Variants in RBFOX2 observed in about 807,000 individuals in gnomAD.
RBFOX2 encodes the protein RNA binding fox-1 homolog 2, also known as RNA binding protein fox-1 homolog 2.
A neutral mutation model predicts 49.1 loss-of-function variants in RBFOX2; 10 were observed. The observed-to-expected ratio is 0.20, with a 90% CI of 0.13 to 0.35. The LOEUF (loss-of-function observed/expected upper bound fraction) is 0.35. Ranked by LOEUF, RBFOX2 falls within the 10% of genes least tolerant of loss-of-function variation. RBFOX2 has a pLI of 1.00. For missense variants in RBFOX2, 323 were observed against 486.9 expected, an observed-to-expected ratio of 0.66 and a Z score of 3.17; for synonymous variants, 183 against 187.4, an observed-to-expected ratio of 0.98 and a Z score of 0.19.
At chr22:35,961,401 G>T (rs546890073) in intron 1 of RBFOX2, among the ~76,000 whole-genome samples, 36 of 152,056 alleles carry the variant, frequency 2.4e-4, no homozygotes, top group Non-Finnish European at 4.0e-4. Context: ...ATTCAGAATG[G>T]TTTCCAGATT....
At chr22:35,979,306 T>C (rs2057345701) in intron 1 of RBFOX2, among the ~76,000 whole-genome samples, 2 of 152,190 alleles carry the variant, frequency 1.3e-5, no homozygotes, top group African/African-American at 4.8e-5. Context: ...CTAGACAAGA[T>C]ACCGGACCAA....
At chr22:35,952,838 G>A (rs964357156) in intron 1 of RBFOX2, among the ~76,000 whole-genome samples, 11 of 152,030 alleles carry the variant, frequency 7.2e-5, no homozygotes, top group Non-Finnish European at 1.0e-4. Flanking sequence ...CCACTCCTAG[G>A]TATATACCCA....
chr22:35,746,637 C>A (rs1932853707), intron 9 of RBFOX2, 76 bp from the exon 12 acceptor site: 2 of 793,826 alleles, frequency 2.5e-6, no homozygotes, highest in Non-Finnish European at 3.8e-6. Context: ...CCCGCCCACA[C>A]ACAGACGTAC....
chr22:36,014,055 T>C (rs896753070), intron 1 of RBFOX2, among the ~76,000 whole-genome samples: 5 of 151,938 alleles, frequency 3.3e-5, no homozygotes, highest in African/African-American at 1.2e-4. Context: ...AATTCTAATG[T>C]CCAAAGTTAT....
At chr22:35,839,453 G>A in intron 1 of RBFOX2, among the ~76,000 whole-genome samples, 1 of 152,156 alleles carries the variant, frequency 6.6e-6, no homozygotes, top group South Asian at 2.1e-4. Context: ...AGTGGGAGTG[G>A]GAGAGAGAGA....
chr22:35,891,375 C>T (rs185283495), intron 1 of RBFOX2, among the ~76,000 whole-genome samples: 7 of 152,188 alleles, frequency 4.6e-5, no homozygotes, highest in African/African-American at 1.4e-4. Flanking sequence ...CCTCATGATC[C>T]GCCATCCTCG....
At chr22:35,853,036 G>C (rs541776472) in intron 1 of RBFOX2, among the ~76,000 whole-genome samples, 1 of 152,142 alleles carries the variant, frequency 6.6e-6, no homozygotes, top group Non-Finnish European at 1.5e-5. Flanking sequence ...GCTCATGCCT[G>C]TAATCCCAGC....
chr22:36,015,691 G>A (rs538361117), intron 1 of RBFOX2, among the ~76,000 whole-genome samples: 2 of 152,252 alleles, frequency 1.3e-5, no homozygotes, highest in South Asian at 2.1e-4. Context: ...TCTGATTAGG[G>A]GATAGCGACC....
rs1556391243 is a variant in RBFOX2 at position 35,913,505 on chromosome 22, G to GTGTGTA, written c.-34+25341_-34+25342insTACACA. On this transcript the variant is annotated intron_variant, in intron 1 of 13. Coordinates refer to the RBFOX2 transcript ENST00000359369. Reference sequence around the variant, plus strand: ...TGTGTGTGTGTGTGTGTGTGTGTGTGTATACATATATAATTATATCATTAT... The same window carrying GTGTGTA: ...TGTGTGTGTGTGTGTGTGTGTGTGTGTGTGTATATACATATATAATTATATCATTAT... Among the ~76,000 whole-genome samples the GTGTGTA allele has an allele frequency of 1.1e-3, 158 of 148,210 alleles. 6 individuals carry two copies. Among genetic ancestry groups the GTGTGTA allele is most frequent in the African/African-American group, 3.8e-3 (152 of 39,770 alleles).
At chr22:35,952,163 ACAACTTACTG>A (rs1476769240) in intron 1 of RBFOX2, among the ~76,000 whole-genome samples, 1 of 152,238 alleles carries the variant, frequency 6.6e-6, no homozygotes, top group Non-Finnish European at 1.5e-5. Flanking sequence ...CAACACTGTT[ACAACTTACTG>A]CTGGAGGAAT....
chr22:35,815,593 C>T (rs192811946), intron 1 of RBFOX2, among the ~76,000 whole-genome samples: 104 of 152,254 alleles, frequency 6.8e-4, no homozygotes, highest in African/African-American at 2.4e-3. Context: ...ATCCTAAAAG[C>T]TTCTCAATTC....
chr22:35,790,818 A>C (rs972016958), intron 2 of RBFOX2, among the ~76,000 whole-genome samples: 1 of 151,894 alleles, frequency 6.6e-6, no homozygotes, highest in Non-Finnish European at 1.5e-5. Context: ...ACCAGCCTGA[A>C]CAACCCTGGT....
chr22:35,942,979 T>G (rs892452137), upstream of RBFOX2, among the ~76,000 whole-genome samples: 3 of 152,202 alleles, frequency 2.0e-5, no homozygotes, highest in African/African-American at 7.2e-5. Context: ...AAAACAAGTT[T>G]TATAAATGTC....
intron 1 of RBFOX2, among the ~76,000 whole-genome samples, chr22:35,929,328 C>T (rs1376979298): frequency 2.6e-5 from 4 of 151,924 alleles, no homozygotes; most frequent in Non-Finnish European, 5.9e-5. Context: ...ACCATTGCCT[C>T]AGTAATTCCA....
intron 8 of RBFOX2, among the ~76,000 whole-genome samples, chr22:35,760,589 T>C (rs1938451823): frequency 6.6e-6 from 1 of 152,190 alleles, no homozygotes; most frequent in South Asian, 2.1e-4. Flanking sequence ...AATCCACAAA[T>C]GTAAGGTGAG....
chr22:35,771,818 GC>G (rs1329458118), intron 4 of RBFOX2, among the ~76,000 whole-genome samples: 2 of 152,050 alleles, frequency 1.3e-5, no homozygotes, highest in Non-Finnish European at 2.9e-5. Flanking sequence ...TAGAAAAGGT[GC>G]CAGAAACAGT....
chr22:35,959,914 C>A (rs1306735585), intron 1 of RBFOX2, among the ~76,000 whole-genome samples: 1 of 152,180 alleles, frequency 6.6e-6, no homozygotes, highest in African/African-American at 2.4e-5. Flanking sequence ...TATATCCTCC[C>A]AGAGATTTTA....
Position 35,929,856 on chromosome 22 carries a change from G to A in RBFOX2, c.-34+8991C>T, listed in dbSNP as rs184470297. 3.3e-5 allele frequency among the ~76,000 whole-genome samples: 5 copies of A among 152,132 alleles called. No homozygotes were observed. The East Asian group carries it at 9.6e-4, about 29-fold the overall frequency. On this transcript the variant is annotated intron_variant, in intron 1 of 13. Transcript: ENST00000359369. ...TGGGGGAGAGAGGGAGGACTGGAGA[G>A]GGAGCAGGGAATGACTGCAAAAGAA...
At position 35,768,439 on chromosome 22, in the gene RBFOX2, T is replaced by C. The variant is rs1941688941; in HGVS notation, c.454-90A>G. 5 of 1,161,590 alleles carry C rather than the reference T, an allele frequency of 4.3e-6. No individual in the cohort carries two copies. In the Admixed American group the frequency reaches 5.8e-5, roughly 13 times the overall value. 72.0% of individuals were successfully genotyped at this position (1,161,590 alleles called of 1,614,324 possible). ...TAAATAGAGAAAAAATATCATAGTA[T>C]GAAACTGACATCAGCAACAACTCAG... On this transcript the variant is annotated intron_variant, in intron 4 of 11. Coordinates refer to ENST00000405409, the Ensembl canonical transcript of RBFOX2.
Sources: gnomAD v4.1 joint callset for allele counts (sites outside exome capture counted in the v4.1 genomes callset) on GRCh38, gnomAD v4.1.1 for gene constraint, MANE v1.5 for transcripts, NCBI Gene and HGNC (gene_info 2026-07-23, HGNC 2026-07-21) for gene names.